PTGER3: variants seen among roughly 807,000 people sequenced by gnomAD.
The protein encoded by PTGER3 is prostaglandin E2 receptor EP3 subtype.
In PTGER3, 22 loss-of-function variants were observed where a neutral mutation model predicts 34.7. That is an observed-to-expected ratio of 0.63 (90% CI 0.45 to 0.91). PTGER3 has a LOEUF of 0.91. PTGER3 is among the 40% of genes least tolerant of loss of function. The probability of loss-of-function intolerance (pLI) is 0.00; values close to 1 mark genes in which losing one functional copy is unlikely to be tolerated. For missense variants in PTGER3, 468 were observed against 519.4 expected, an observed-to-expected ratio of 0.90 and a Z score of 0.96; for synonymous variants, 241 against 230.1, an observed-to-expected ratio of 1.05 and a Z score of -0.43.
intron 2 of PTGER3, among the ~76,000 whole-genome samples, chr1:70,955,283 G>A (rs1651202311): frequency 6.6e-6 from 1 of 152,120 alleles, no homozygotes; most frequent in African/African-American, 2.4e-5. Flanking sequence ...CTCATAGAAA[G>A]GTGGTGGCTA....
intron 1 of PTGER3, among the ~76,000 whole-genome samples, chr1:71,038,139 TTC>T (rs1437267170): frequency 6.6e-6 from 1 of 152,232 alleles, no homozygotes; most frequent in East Asian, 1.9e-4. Context: ...AATCACACAC[TTC>T]TTTTTTCCAA....
chr1:70,982,036 CA>C (rs1291558922), intron 2 of PTGER3, among the ~76,000 whole-genome samples: 1 of 152,074 alleles, frequency 6.6e-6, no homozygotes, highest in Non-Finnish European at 1.5e-5. Context: ...CTATACTGGA[CA>C]GAGGTGGATC....
At chr1:70,868,957 TCCCAGAAGCTGGTTC>T (rs556465690) in intron 4 of PTGER3, among the ~76,000 whole-genome samples, 73 of 152,266 alleles carry the variant, frequency 4.8e-4, no homozygotes, top group Non-Finnish European at 8.7e-4. Context: ...CGTTCATGGT[TCCCAGAAGCTGGTTC>T]CCCAGAAGCC....
At chr1:71,037,439 C>T (rs537709834) in intron 1 of PTGER3, among the ~76,000 whole-genome samples, 154 of 152,286 alleles carry the variant, frequency 1.0e-3, no homozygotes, top group African/African-American at 2.5e-3. Flanking sequence ...TAAATGAATC[C>T]GTGCTGACCA....
At chr1:70,967,223 A>G (rs540096598), downstream of PTGER3, among the ~76,000 whole-genome samples, 131 of 152,252 alleles carry the variant, frequency 8.6e-4, 1 homozygote, top group African/African-American at 3.0e-3. Context: ...AAATGCCACC[A>G]TTACTCACAG....
At chr1:71,030,136 T>A (rs1659283400) in intron 1 of PTGER3, among the ~76,000 whole-genome samples, 1 of 151,604 alleles carries the variant, frequency 6.6e-6, no homozygotes, top group Non-Finnish European at 1.5e-5. Context: ...GATGCTGGGG[T>A]AGGGATGGAA....
intron 2 of PTGER3, among the ~76,000 whole-genome samples, chr1:70,965,110 C>T (rs1168016987): frequency 3.3e-5 from 5 of 152,054 alleles, no homozygotes; most frequent in African/African-American, 1.2e-4. Flanking sequence ...ATATGAAAAG[C>T]ACAGAGATGT....
At chr1:70,935,171 T>A (rs1649091453) in intron 4 of PTGER3, among the ~76,000 whole-genome samples, 1 of 152,274 alleles carries the variant, frequency 6.6e-6, no homozygotes, top group Non-Finnish European at 1.5e-5. Flanking sequence ...AAGAAGCACA[T>A]TAAATTCAGA....
At chr1:70,973,963 CTAATTAAAA>C (rs1016848962) in intron 3 of PTGER3, among the ~76,000 whole-genome samples, 2 of 152,198 alleles carry the variant, frequency 1.3e-5, no homozygotes, top group African/African-American at 4.8e-5. Context: ...ATTCTGATAC[CTAATTAAAA>C]TAGGAGTGGC....
At chr1:70,965,838 G>A (rs948117765), downstream of PTGER3, among the ~76,000 whole-genome samples, 45 of 152,068 alleles carry the variant, frequency 3.0e-4, no homozygotes, top group African/African-American at 1.1e-3. Context: ...AGGACCATAG[G>A]ATTTCAGAGC....
chr1:71,011,465 C>T (rs1429727147), intron 2 of PTGER3: 2 of 985,286 alleles, frequency 2.0e-6, no homozygotes, highest in African/African-American at 1.7e-5. Context: ...TTCTGAAAAA[C>T]CACTTCACGA....
intron 2 of PTGER3, among the ~76,000 whole-genome samples, chr1:70,986,539 G>A (rs1046361097): frequency 3.3e-5 from 5 of 152,164 alleles, no homozygotes; most frequent in African/African-American, 1.2e-4. Flanking sequence ...AGGACCACAA[G>A]GCTAGAACAT....
chr1:70,952,950 C>T (rs928125249), exon 4 of PTGER3: 1 of 1,613,052 alleles, frequency 6.2e-7, no homozygotes, highest in Non-Finnish European at 8.5e-7. Flanking sequence ...CACATTAATG[C>T]TGCTCACGAG....
At chr1:70,952,380 G>T (rs1650847296), downstream of PTGER3, 3 of 973,750 alleles carry the variant, frequency 3.1e-6, no homozygotes, top group Non-Finnish European at 3.7e-6. Flanking sequence ...TTAATTCAAG[G>T]TTAATGTAGG....
chr1:70,986,100 T>A (rs1388576917), intron 2 of PTGER3, among the ~76,000 whole-genome samples: 1 of 152,066 alleles, frequency 6.6e-6, no homozygotes, highest in Non-Finnish European at 1.5e-5. Context: ...TCCTCACTGC[T>A]ACACTCCCAC....
intron 2 of PTGER3, among the ~76,000 whole-genome samples, chr1:70,978,306 A>G (rs1049669293): frequency 6.6e-6 from 1 of 152,186 alleles, no homozygotes; most frequent in African/African-American, 2.4e-5. Context: ...TCTAGTATTT[A>G]CAAACCTCCC....
At chr1:70,863,166 T>A (rs942834603) in intron 4 of PTGER3, among the ~76,000 whole-genome samples, 1 of 151,948 alleles carries the variant, frequency 6.6e-6, no homozygotes, top group African/African-American at 2.4e-5. Flanking sequence ...AGAGGATTTT[T>A]TTTTTCTCAG....
chr1:70,921,615 G>C (rs893683790), intron 4 of PTGER3, among the ~76,000 whole-genome samples: 1 of 151,468 alleles, frequency 6.6e-6, no homozygotes, highest in African/African-American at 2.4e-5. Flanking sequence ...CCAGCAAACT[G>C]GTCAGTTATA....
chr1:70,986,236 G>T (rs1360667820), intron 2 of PTGER3, among the ~76,000 whole-genome samples: 2 of 151,992 alleles, frequency 1.3e-5, no homozygotes, highest in East Asian at 3.9e-4. Context: ...CATAAAAATG[G>T]GCCACAATCG....
Sources: allele counts gnomAD v4.1 joint callset (sites outside exome capture counted in the v4.1 genomes callset), GRCh38; gene constraint gnomAD v4.1.1; transcripts MANE v1.5; gene names NCBI Gene and HGNC (gene_info 2026-07-23, HGNC 2026-07-21).